Variants in TUNAR observed in about 807,000 individuals in gnomAD.
TUNAR encodes transmembrane neural differentiation associated intracellular calcium regulator, also known as protein TUNAR.
intron 2 of TUNAR, among the ~76,000 whole-genome samples, chr14:95,887,777 T>C (rs369211327): frequency 1.3e-5 from 2 of 152,216 alleles, no homozygotes; most frequent in East Asian, 3.8e-4. Flanking sequence ...TCCTCATGGG[T>C]TGGGGACCCG....
intron 2 of TUNAR, among the ~76,000 whole-genome samples, chr14:95,899,685 T>C (rs1187639064): frequency 1.3e-5 from 2 of 152,184 alleles, no homozygotes; most frequent in Non-Finnish European, 2.9e-5. Context: ...TCATGCTGCC[T>C]CCTCACCTAG....
intron 2 of TUNAR, among the ~76,000 whole-genome samples, chr14:95,920,796 C>T (rs1035374566): frequency 6.6e-6 from 1 of 152,140 alleles, no homozygotes; most frequent in East Asian, 1.9e-4. Context: ...TGTGATCCTT[C>T]CTGGATATGT....
chr14:95,924,894 T>A (rs770909677), exon 3 of TUNAR: 5 of 152,270 alleles, frequency 3.3e-5, no homozygotes, highest in Non-Finnish European at 7.3e-5. Context: ...AGTCTATGCC[T>A]GCAGATCTCT....
chr14:95,923,626 T>C (rs2139675497), exon 3 of TUNAR: 1 of 152,362 alleles, frequency 6.6e-6, no homozygotes, highest in African/African-American at 2.4e-5. Context: ...CTTAGTTTTA[T>C]CTGCTTTGTC....
chr14:95,879,008 C>T (rs1888934081), intron 2 of TUNAR, among the ~76,000 whole-genome samples: 1 of 152,068 alleles, frequency 6.6e-6, no homozygotes, highest in African/African-American at 2.4e-5. Flanking sequence ...TAGACTCTTC[C>T]AACTGCATTG....
chr14:95,892,600 A>T (rs1889200246), intron 2 of TUNAR, among the ~76,000 whole-genome samples: 1 of 152,114 alleles, frequency 6.6e-6, no homozygotes, highest in Non-Finnish European at 1.5e-5. Context: ...CTTTTTCCCC[A>T]CCAGATGACA....
intron 2 of TUNAR, among the ~76,000 whole-genome samples, chr14:95,907,530 G>A (rs1356529232): frequency 1.3e-5 from 2 of 152,174 alleles, no homozygotes; most frequent in East Asian, 1.9e-4. Context: ...GTGGCCAGTG[G>A]TGCCTTTGCC....
intron 2 of TUNAR, among the ~76,000 whole-genome samples, chr14:95,911,439 G>C: frequency 6.6e-6 from 1 of 152,180 alleles, no homozygotes; most frequent in East Asian, 1.9e-4. Context: ...GCTCGTTGAG[G>C]GCCAGGGCCC....
intron 2 of TUNAR, among the ~76,000 whole-genome samples, chr14:95,920,340 T>G (rs533231068): frequency 1.3e-5 from 2 of 152,142 alleles, no homozygotes; most frequent in East Asian, 3.9e-4. Flanking sequence ...TAAACAGATA[T>G]GAAAATGTAT....
intron 2 of TUNAR, among the ~76,000 whole-genome samples, chr14:95,880,675 C>T (rs1888966037): frequency 1.3e-5 from 2 of 152,128 alleles, no homozygotes; most frequent in Admixed American, 1.3e-4. Context: ...TTAGTTAGAG[C>T]CTTGAACTCA....
At chr14:95,915,836 G>A (rs1566792226) in intron 2 of TUNAR, among the ~76,000 whole-genome samples, 1 of 152,230 alleles carries the variant, frequency 6.6e-6, no homozygotes, top group Non-Finnish European at 1.5e-5. Context: ...TGGCTTGCTG[G>A]GAACTGTGCT....
chr14:95,896,379 C>T (rs954368552), intron 2 of TUNAR, among the ~76,000 whole-genome samples: 7 of 152,200 alleles, frequency 4.6e-5, no homozygotes, highest in East Asian at 3.9e-4. Flanking sequence ...CGGCAGTGCA[C>T]AGGCATGACC....
chr14:95,895,306 A>G lies in TUNAR; in HGVS notation c.12+18129A>G, dbSNP rs752668920. 3.9e-5 allele frequency among the ~76,000 whole-genome samples: 6 copies of G among 152,218 alleles called. No individual in the cohort carries two copies. The highest frequency in any genetic ancestry group is 7.3e-5 in the Non-Finnish European group (5 of 68,032). On this transcript the variant is annotated intron_variant, in intron 2 of 2. Coordinates refer to ENST00000678517, the Ensembl canonical transcript of TUNAR. This position sits in a 1 kb window ranked among gnomAD's most constrained non-coding sequence, Gnocchi z 4.5. ...GCAGGAAGCTAGGACTGGGCAAGAT[A>G]GAAAGATCTGCCTGCTGGTTTGATA...
At chr14:95,891,071 A>C (rs1328927285) in intron 2 of TUNAR, among the ~76,000 whole-genome samples, 2 of 152,260 alleles carry the variant, frequency 1.3e-5, no homozygotes, top group African/African-American at 4.8e-5. Context: ...TGATTTAGAA[A>C]GATAGCCCTT....
chr14:95,886,774 C>T (rs559452202), intron 2 of TUNAR, among the ~76,000 whole-genome samples: 11 of 152,322 alleles, frequency 7.2e-5, no homozygotes, highest in Admixed American at 4.6e-4. Context: ...TCCCTGAGGC[C>T]GGCCAATGCC....
chr14:95,902,117 G>A (rs1323339162), intron 2 of TUNAR, among the ~76,000 whole-genome samples: 1 of 152,154 alleles, frequency 6.6e-6, no homozygotes, highest in Non-Finnish European at 1.5e-5. Flanking sequence ...AGAGGGGAGA[G>A]TAGCGGGAAT....
chr14:95,908,100 A>AG (rs757230230), intron 2 of TUNAR, among the ~76,000 whole-genome samples: 32 of 152,302 alleles, frequency 2.1e-4, no homozygotes, highest in Non-Finnish European at 3.7e-4. Flanking sequence ...GAGCATTCCT[A>AG]GGGACCTGCC....
intron 2 of TUNAR, among the ~76,000 whole-genome samples, chr14:95,915,060 G>A (rs961965114): frequency 6.6e-6 from 1 of 152,236 alleles, no homozygotes; most frequent in Non-Finnish European, 1.5e-5. Context: ...TCGGCAGGTA[G>A]AATATACTTC....
At chr14:95,900,289 G>A (rs922391924) in intron 2 of TUNAR, among the ~76,000 whole-genome samples, 2 of 152,242 alleles carry the variant, frequency 1.3e-5, no homozygotes, top group African/African-American at 4.8e-5. Flanking sequence ...GGAAGGCTGC[G>A]CTGCTGGGAG....
Sources: allele counts gnomAD v4.1 joint callset (sites outside exome capture counted in the v4.1 genomes callset), GRCh38; gene constraint gnomAD v4.1.1; non-coding constraint Gnocchi (gnomAD v3.1); transcripts MANE v1.5; gene names NCBI Gene and HGNC (gene_info 2026-07-23, HGNC 2026-07-21).